Variants in TBC1D23 observed in about 807,000 individuals in gnomAD.
TBC1D23 encodes TBC1 domain family member 23.
TBC1D23 carries 55 observed loss-of-function variants against 91.4 expected under a neutral mutation model. The observed-to-expected ratio is 0.60, with a 90% CI of 0.48 to 0.75. TBC1D23 has a LOEUF of 0.75. Ranked by LOEUF, TBC1D23 falls within the 30% of genes least tolerant of loss-of-function variation. The pLI, the probability that TBC1D23 is intolerant of heterozygous loss-of-function variation, is 0.00. For synonymous variants in TBC1D23, 289 were observed against 281.0 expected (o/e 1.03, Z -0.28); for missense variants, 725 against 836.1 (o/e 0.87, Z 1.64).
chr3:100,298,699 C>G (rs1705354278), intron 9 of TBC1D23, among the ~76,000 whole-genome samples: 1 of 152,192 alleles, frequency 6.6e-6, no homozygotes, highest in Admixed American at 6.5e-5. Context: ...AAGCATCTCA[C>G]TTTTTTCTTA....
intron 13 of TBC1D23, 69 bp downstream of exon 13, chr3:100,306,612 C>A: frequency 1.2e-6 from 1 of 849,672 alleles, no homozygotes; most frequent in Non-Finnish European, 2.0e-6. Context: ...AACTACTAAA[C>A]CCCCACCATA....
chr3:100,263,993 T>G, intron 1 of TBC1D23, among the ~76,000 whole-genome samples: 1 of 152,222 alleles, frequency 6.6e-6, no homozygotes, highest in Non-Finnish European at 1.5e-5. Flanking sequence ...CGGTGATTTC[T>G]GTTTTCCCTC....
Position 100,283,780 on chromosome 3 carries a change from T to G in TBC1D23, c.445T>G (p.Phe149Val), listed in dbSNP as rs145048233. The change falls in exon 4 of 19, where the codon TTT (phenylalanine) becomes GTT (valine). Residue 149 changes from phenylalanine to valine, a missense_variant. Phe to Val is a conservative substitution (Grantham distance 50). Coordinates refer to ENST00000394144, the MANE Select transcript of TBC1D23 (RefSeq NM_001199198.3). Reference sequence around the variant, plus strand: ...GCCACGCAGCGATTTATACAACTGCTTTTATGCCATAATGAATAAGTACAT... The same window carrying G: ...GCCACGCAGCGATTTATACAACTGCGTTTATGCCATAATGAATAAGTACAT... The part of the protein sequence containing the change: ...QLPRSDLYNC[F>V]YAIMNKYIPR... The G allele has an allele frequency of 1.5e-5, 24 of 1,611,718 alleles. No homozygotes were observed. The highest frequency in any genetic ancestry group is 2.0e-5 in the Non-Finnish European group (23 of 1,177,944).
chr3:100,291,682 TAAAC>T (rs1385937167), intron 5 of TBC1D23, among the ~76,000 whole-genome samples: 5 of 151,846 alleles, frequency 3.3e-5, no homozygotes, highest in Non-Finnish European at 5.9e-5. Flanking sequence ...TATTTTAAAA[TAAAC>T]AACTATTTTC....
At chr3:100,282,363 TA>T (rs2067702573) in intron 3 of TBC1D23, among the ~76,000 whole-genome samples, 1 of 152,198 alleles carries the variant, frequency 6.6e-6, no homozygotes, top group Non-Finnish European at 1.5e-5. Context: ...CATTATATGT[TA>T]GATTTTTCAT....
chr3:100,262,838 C>G (rs1440696179), intron 1 of TBC1D23, among the ~76,000 whole-genome samples: 7 of 150,736 alleles, frequency 4.6e-5, no homozygotes, highest in South Asian at 2.1e-4. Flanking sequence ...AATTGTACAT[C>G]TTTTTTGTGC....
chr3:100,288,870 T>C (rs2067765830), intron 4 of TBC1D23, among the ~76,000 whole-genome samples: 1 of 152,220 alleles, frequency 6.6e-6, no homozygotes, highest in African/African-American at 2.4e-5. Context: ...TGTCTGGAAT[T>C]AACTGTGTTT....
At chr3:100,296,346 C>T in intron 8 of TBC1D23, 71 bp downstream of exon 8, 1 of 896,148 alleles carries the variant, frequency 1.1e-6, no homozygotes, top group Non-Finnish European at 1.7e-6. Flanking sequence ...TTTATATTCA[C>T]TTTAGTTAAA....
chr3:100,307,314 C>T (rs1159973393), intron 13 of TBC1D23, among the ~76,000 whole-genome samples: 2 of 152,176 alleles, frequency 1.3e-5, no homozygotes, highest in African/African-American at 2.4e-5. Context: ...AACTGCAGTA[C>T]AAGGTCACAG....
intron 1 of TBC1D23, among the ~76,000 whole-genome samples, chr3:100,270,439 G>A (rs1351502305): frequency 2.0e-5 from 3 of 152,170 alleles, no homozygotes; most frequent in Non-Finnish European, 2.9e-5. Context: ...GTGAATGAGA[G>A]AGTAAGTTTA....
At chr3:100,302,270 G>A (rs546164824) in intron 11 of TBC1D23, 33 bp downstream of exon 11, 4 of 1,559,436 alleles carry the variant, frequency 2.6e-6, no homozygotes, top group South Asian at 2.4e-5. Context: ...AGTTTTGTTT[G>A]GTTAATGTTA....
At chr3:100,273,428 CTCTT>C (rs949840312) in intron 1 of TBC1D23, among the ~76,000 whole-genome samples, 16 of 152,178 alleles carry the variant, frequency 1.1e-4, no homozygotes, top group African/African-American at 3.1e-4. Flanking sequence ...AATCTGATCT[CTCTT>C]TCTTTTCCCC....
At chr3:100,265,970 TAA>T (rs1345268868) in intron 1 of TBC1D23, among the ~76,000 whole-genome samples, 3 of 152,148 alleles carry the variant, frequency 2.0e-5, no homozygotes, top group Non-Finnish European at 4.4e-5. Flanking sequence ...TTTTAAGAAC[TAA>T]GTGATTGAAA....
chr3:100,272,537 T>C (rs1471973168), intron 1 of TBC1D23, among the ~76,000 whole-genome samples: 2 of 152,108 alleles, frequency 1.3e-5, no homozygotes, highest in African/African-American at 2.4e-5. Context: ...TGTTTCTCGT[T>C]AGGTGGAACG....
At position 100,290,620 on chromosome 3, in the gene TBC1D23, G is replaced by C. The variant is rs2067781716; in HGVS notation, c.519G>C (p.Leu173Phe). Residue 173 changes from leucine (L) to phenylalanine (F), a missense_variant, in exon 5 of 19, where the codon TTG (leucine) becomes TTC (phenylalanine). Physicochemically the swap from Leu to Phe is conservative, Grantham distance 22 (BLOSUM62 0). Coordinates refer to ENST00000394144, the MANE Select transcript of TBC1D23 (RefSeq NM_001199198.3). ...QKGRPFHLFRLLIQYHEPELC... is the reference protein window; with the variant it reads ...QKGRPFHLFRFLIQYHEPELC... ...GGAGACCATTTCATCTCTTCAGGTT[G>C]CTCATCCAATACCATGAGCCTGAGC... 1 of 1,613,802 alleles carries C rather than the reference G, an allele frequency of 6.2e-7. No individual in the cohort carries two copies. The highest frequency in any genetic ancestry group is 8.5e-7 in the Non-Finnish European group (1 of 1,179,790).
At position 100,262,723 on chromosome 3, in the gene TBC1D23, C is replaced by CAAAAAA. The variant is rs1174689237; in HGVS notation, c.53+1669_53+1674dup. 4.0e-3 allele frequency among the ~76,000 whole-genome samples: 202 copies of CAAAAAA among 50,908 alleles called. 9 individuals carry two copies. Among genetic ancestry groups the CAAAAAA allele is most frequent in the Non-Finnish European group, 5.2e-3 (148 of 28,480 alleles). 33.4% of individuals were successfully genotyped at this position (50,908 alleles called of 152,430 possible). A position where few individuals can be genotyped will look rare whatever the true frequency, so the allele number is the denominator to read the frequency against. On this transcript the variant is annotated intron_variant, in intron 1 of 18. Coordinates refer to ENST00000394144, the MANE Select transcript of TBC1D23 (RefSeq NM_001199198.3). ...CCGGCGGCAGTGTGAGGCTCGGTCT[C>CAAAAAA]AAAAAAAAAAAAAAAAAAAAAACAC...
At position 100,324,686 on chromosome 3, in the gene TBC1D23, T is replaced by C. The variant is rs2148876513; in HGVS notation, c.*1018T>C. The C allele has an allele frequency of 6.6e-6, 1 of 152,352 alleles. No homozygotes were observed. Among genetic ancestry groups the C allele is most frequent in the African/African-American group, 2.4e-5 (1 of 41,594 alleles). 9.4% of individuals were successfully genotyped at this position (152,352 alleles called of 1,614,324 possible). The stretch of plus-strand genomic sequence containing the variant: ...TTTTGGACACATTGTCTTAATGTAC[T>C]GAAAATTGCTCTGCTGTATTTTGCA... On this transcript the variant is annotated 3_prime_UTR_variant, in exon 19 of 19. Coordinates refer to ENST00000394144, the MANE Select transcript of TBC1D23 (RefSeq NM_001199198.3).
Position 100,261,043 on chromosome 3 carries a change from C to T in TBC1D23, c.25C>T (p.Pro9Ser), listed in dbSNP as rs755719122. The change falls in exon 1 of 19, where the codon CCG becomes TCG. Residue 9 changes from proline to serine, a missense_variant. Physicochemically the swap from Pro to Ser is moderately conservative, Grantham distance 74. Coordinates refer to ENST00000394144, the MANE Select transcript of TBC1D23 (RefSeq NM_001199198.3). Reference sequence around the variant, plus strand: ...AATGGCGGAAGGAGAAGATGTGCCGCCGCTGCCAACGTCGAGCGGCGACGG... The same window carrying T: ...AATGGCGGAAGGAGAAGATGTGCCGTCGCTGCCAACGTCGAGCGGCGACGG... MAEGEDVP[P>S]LPTSSGDGWE... 6.2e-7 allele frequency: 1 copy of T among 1,614,016 alleles called. No individual in the cohort carries two copies. The highest frequency in any genetic ancestry group is 1.3e-5 in the African/African-American group (1 of 74,954).
chr3:100,285,958 A>G (rs184433776), intron 4 of TBC1D23, among the ~76,000 whole-genome samples: 92 of 150,536 alleles, frequency 6.1e-4, no homozygotes, highest in Non-Finnish European at 1.1e-3. Flanking sequence ...TTGCACTCCT[A>G]TTTTTTCCAC....
Sources: allele counts gnomAD v4.1 joint callset (sites outside exome capture counted in the v4.1 genomes callset), GRCh38; gene constraint gnomAD v4.1.1; transcripts MANE v1.5; gene names NCBI Gene and HGNC (gene_info 2026-07-23, HGNC 2026-07-21).